Variants in CTNNA3 observed in about 807,000 individuals in gnomAD.
The protein encoded by CTNNA3 is catenin alpha-3.
In CTNNA3, 76 loss-of-function variants were observed where a neutral mutation model predicts 95.7. The observed-to-expected ratio is 0.79, with a 90% CI of 0.66 to 0.96. The LOEUF (loss-of-function observed/expected upper bound fraction) is 0.96. CTNNA3 is among the 40% of genes least tolerant of loss of function. The pLI, the probability that CTNNA3 is intolerant of heterozygous loss-of-function variation, is 0.00. For missense variants in CTNNA3, 1,191 were observed against 1,089.8 expected (o/e 1.09, Z -1.31); for synonymous variants, 431 against 374.4 (o/e 1.15, Z -1.74).
At chr10:67,535,465 T>A (rs1840460213) in intron 4 of CTNNA3, among the ~76,000 whole-genome samples, 1 of 151,574 alleles carries the variant, frequency 6.6e-6, no homozygotes, top group South Asian at 2.1e-4. Flanking sequence ...TTTACATAAT[T>A]AAAAAAAAGA....
At chr10:67,058,031 T>C (rs1288955757) in intron 7 of CTNNA3, among the ~76,000 whole-genome samples, 1 of 152,178 alleles carries the variant, frequency 6.6e-6, no homozygotes, top group Non-Finnish European at 1.5e-5. Flanking sequence ...TAGACACACC[T>C]AGAAAAGTAC....
intron 11 of CTNNA3, among the ~76,000 whole-genome samples, chr10:66,442,442 A>AC (rs2093381968): frequency 6.6e-6 from 1 of 152,138 alleles, no homozygotes; most frequent in Admixed American, 6.5e-5. Flanking sequence ...AATAACTGTA[A>AC]ATATATTTTG....
chr10:65,950,299 T>G lies in CTNNA3; in HGVS notation c.2400+16313A>C, dbSNP rs562305554. ...TTTTGCAAATATCATCCATACAGTC[T>G]TGTGCCTTTTTCCACATCTGCTTTC... On this transcript the variant is annotated intron_variant, in intron 17 of 17. Transcript: ENST00000433211. Among the ~76,000 whole-genome samples, 6 of 152,322 alleles carry G rather than the reference T, an allele frequency of 3.9e-5. No homozygotes were observed. The South Asian group carries it at 1.2e-3, about 32-fold the overall frequency.
intron 7 of CTNNA3, among the ~76,000 whole-genome samples, chr10:67,143,042 G>A (rs1364011789): frequency 6.6e-6 from 1 of 152,152 alleles, no homozygotes; most frequent in Non-Finnish European, 1.5e-5. Flanking sequence ...GTTGCTGACT[G>A]ACCAGGATGG....
At chr10:67,545,526 A>C (rs1840821159) in intron 3 of CTNNA3, among the ~76,000 whole-genome samples, 1 of 152,148 alleles carries the variant, frequency 6.6e-6, no homozygotes, top group South Asian at 2.1e-4. Flanking sequence ...TTTAAAAACT[A>C]ATTTTTAATG....
intron 7 of CTNNA3, among the ~76,000 whole-genome samples, chr10:66,824,254 A>G (rs1443847398): frequency 6.6e-6 from 1 of 152,130 alleles, no homozygotes; most frequent in Non-Finnish European, 1.5e-5. Context: ...CAGTGCACTA[A>G]TCTGTGATAT....
intron 1 of CTNNA3, among the ~76,000 whole-genome samples, chr10:67,681,118 A>C (rs546124301): frequency 6.6e-6 from 1 of 152,366 alleles, no homozygotes; most frequent in South Asian, 2.1e-4. Context: ...AACATTACAG[A>C]AGTGTTAATT....
At chr10:67,247,311 G>A (rs146608929) in intron 5 of CTNNA3, among the ~76,000 whole-genome samples, 74 of 152,250 alleles carry the variant, frequency 4.9e-4, no homozygotes, top group Middle Eastern at 3.4e-3. Flanking sequence ...GATACAGTTC[G>A]CAAAAGGCAA....
At chr10:67,619,042 A>G (rs1843745897) in intron 2 of CTNNA3, among the ~76,000 whole-genome samples, 1 of 152,194 alleles carries the variant, frequency 6.6e-6, no homozygotes, top group African/African-American at 2.4e-5. Context: ...TTTTGTCAAT[A>G]TTGAACCTTC....
intron 14 of CTNNA3, among the ~76,000 whole-genome samples, chr10:66,077,846 A>C (rs1220460335): frequency 2.6e-5 from 4 of 151,798 alleles, no homozygotes; most frequent in African/African-American, 9.7e-5. Context: ...CCAAGCCTTT[A>C]TACTCTTTCC....
At chr10:65,954,669 T>A (rs1172880205) in intron 17 of CTNNA3, among the ~76,000 whole-genome samples, 12 of 152,204 alleles carry the variant, frequency 7.9e-5, no homozygotes, top group Admixed American at 7.9e-4. Context: ...CTTGTTTTTG[T>A]CAGAATTGTC....
At chr10:66,979,781 A>G (rs1023033571) in intron 7 of CTNNA3, among the ~76,000 whole-genome samples, 7 of 152,222 alleles carry the variant, frequency 4.6e-5, no homozygotes, top group African/African-American at 1.7e-4. Flanking sequence ...CAGCTTTTTC[A>G]AAATTTCCCA....
At chr10:66,175,839 A>C (rs905717042) in intron 13 of CTNNA3, among the ~76,000 whole-genome samples, 2 of 152,202 alleles carry the variant, frequency 1.3e-5, no homozygotes, top group African/African-American at 4.8e-5. Context: ...ATAACAAAAG[A>C]ATTATCATGG....
chr10:66,035,850 A>G (rs995924325), intron 15 of CTNNA3, among the ~76,000 whole-genome samples: 2 of 152,164 alleles, frequency 1.3e-5, no homozygotes, highest in Non-Finnish European at 2.9e-5. Flanking sequence ...TGTGAATGTT[A>G]ATTTTTAAGG....
chr10:67,644,495 GA>G (rs11303361), intron 2 of CTNNA3, among the ~76,000 whole-genome samples: 18,498 of 150,766 alleles, frequency 0.12, 1,806 homozygotes, highest in African/African-American at 0.27. Context: ...TGTTATCCTA[GA>G]AAAAAAAACC....
rs749621845 is a variant in CTNNA3, at chr10:66,520,708, T to C, written c.1440A>G (p.Glu480=). The C allele has an allele frequency of 1.9e-6, 3 of 1,612,228 alleles. No homozygotes were observed. Among genetic ancestry groups the C allele is most frequent in the Non-Finnish European group, 2.5e-6 (3 of 1,179,066 alleles). ...PKSQAVKNTM[E]MYKRTWENHI... ...GATTCTCCCATGTACGCTTGTACATTTCCATGGTGTTTTTGACCGCTTGAC... is the reference window on the plus strand; with the variant it reads ...GATTCTCCCATGTACGCTTGTACATCTCCATGGTGTTTTTGACCGCTTGAC... Residue 480 remains glutamate, a synonymous_variant, in exon 11 of 18, where the codon GAA becomes GAG. Transcript: ENST00000433211.
At chr10:66,710,126 G>C (rs1039436087) in intron 9 of CTNNA3, among the ~76,000 whole-genome samples, 1 of 152,102 alleles carries the variant, frequency 6.6e-6, no homozygotes, top group Non-Finnish European at 1.5e-5. Flanking sequence ...TGTGAGAATT[G>C]AGATCCAGAA....
At chr10:66,104,068 T>A (rs923654201) in intron 13 of CTNNA3, among the ~76,000 whole-genome samples, 3 of 152,172 alleles carry the variant, frequency 2.0e-5, no homozygotes, top group African/African-American at 7.2e-5. Flanking sequence ...CACCAGAAAT[T>A]ATCAAGAAAT....
At chr10:66,843,269 A>C (rs1431530785) in intron 7 of CTNNA3, among the ~76,000 whole-genome samples, 1 of 152,140 alleles carries the variant, frequency 6.6e-6, no homozygotes, top group Non-Finnish European at 1.5e-5. Context: ...AGTAGTTCTT[A>C]GGATTCAATC....
Sources: allele counts gnomAD v4.1 joint callset (sites outside exome capture counted in the v4.1 genomes callset), GRCh38; gene constraint gnomAD v4.1.1; transcripts MANE v1.5; gene names NCBI Gene and HGNC (gene_info 2026-07-23, HGNC 2026-07-21).